CADM1: variants seen among roughly 807,000 people sequenced by gnomAD.
The protein encoded by CADM1 is cell adhesion molecule 1.
In CADM1, 15 loss-of-function variants were observed where a neutral mutation model predicts 53.1. The observed-to-expected ratio is 0.28, with a 90% CI of 0.19 to 0.44. The LOEUF is 0.44. Ranked by LOEUF, CADM1 falls within the 20% of genes least tolerant of loss-of-function variation. The pLI is 1.00. For synonymous variants in CADM1, 281 were observed against 243.0 expected (o/e 1.16, Z -1.45); for missense variants, 434 against 611.3 (o/e 0.71, Z 3.06).
intron 1 of CADM1, among the ~76,000 whole-genome samples, chr11:115,373,186 T>C (rs1946350939): frequency 1.3e-5 from 2 of 152,312 alleles, no homozygotes; most frequent in East Asian, 1.9e-4. Flanking sequence ...AACTGCAGCC[T>C]GGCTTTCACA....
At chr11:115,316,772 C>A (rs1367677277) in intron 1 of CADM1, among the ~76,000 whole-genome samples, 1 of 152,124 alleles carries the variant, frequency 6.6e-6, no homozygotes, top group Non-Finnish European at 1.5e-5. Flanking sequence ...GCATATGAGA[C>A]AGCAAGAGAA....
chr11:115,504,261 C>G lies in CADM1; in HGVS notation c.124+10G>C. The G allele has an allele frequency of 2.5e-6, 4 of 1,571,860 alleles. No individual in the cohort carries two copies. In the African/African-American group the frequency reaches 5.4e-5, roughly 21 times the overall value. On this transcript the variant is annotated intron_variant, in intron 1 of 11. Coordinates refer to ENST00000331581, the MANE Select transcript of CADM1 (RefSeq NM_001301043.2). ...GATTTAGGGGCCAACCGGTCGGTGCCCACACCTACCTGTGGGGATCAGTGC... is the reference window on the plus strand; with the variant it reads ...GATTTAGGGGCCAACCGGTCGGTGCGCACACCTACCTGTGGGGATCAGTGC...
At chr11:115,303,265 AG>A (rs1431486165) in intron 1 of CADM1, among the ~76,000 whole-genome samples, 1 of 152,080 alleles carries the variant, frequency 6.6e-6, no homozygotes, top group African/African-American at 2.4e-5. Flanking sequence ...ATTCAATACC[AG>A]ATTCCAGTAT....
chr11:115,420,739 C>T (rs1449160625), intron 1 of CADM1, among the ~76,000 whole-genome samples: 1 of 152,156 alleles, frequency 6.6e-6, no homozygotes, highest in Non-Finnish European at 1.5e-5. Context: ...AGCTGTAAAT[C>T]TTAATGACCC....
intron 1 of CADM1, among the ~76,000 whole-genome samples, chr11:115,366,628 G>A (rs1946166821): frequency 6.6e-6 from 1 of 152,146 alleles, no homozygotes; most frequent in Non-Finnish European, 1.5e-5. Flanking sequence ...CTAGAGAAAG[G>A]AAGAGAAATA....
chr11:115,483,960 T>C, intron 1 of CADM1, among the ~76,000 whole-genome samples: 1 of 152,170 alleles, frequency 6.6e-6, no homozygotes, highest in African/African-American at 2.4e-5. Context: ...GATGCCAAAC[T>C]AGCCAGCCCA....
chr11:115,412,758 TAAG>T (rs1164324695), intron 1 of CADM1, among the ~76,000 whole-genome samples: 1 of 152,162 alleles, frequency 6.6e-6, no homozygotes, highest in East Asian at 1.9e-4. Context: ...TAATCTATCC[TAAG>T]CCAATTTAAA....
chr11:115,459,784 T>G (rs994791232), intron 1 of CADM1, among the ~76,000 whole-genome samples: 3 of 152,220 alleles, frequency 2.0e-5, no homozygotes, highest in Admixed American at 1.3e-4. Flanking sequence ...GGACCATATG[T>G]GCATATGGTT....
At chr11:115,384,439 A>C (rs1946651065) in intron 1 of CADM1, among the ~76,000 whole-genome samples, 1 of 152,180 alleles carries the variant, frequency 6.6e-6, no homozygotes. Flanking sequence ...TTCCCTCCCT[A>C]AACTCAAGTA....
At chr11:115,256,230 G>A (rs148298175) in intron 1 of CADM1, among the ~76,000 whole-genome samples, 1 of 152,288 alleles carries the variant, frequency 6.6e-6, no homozygotes, top group Non-Finnish European at 1.5e-5. Flanking sequence ...ATTACAACAG[G>A]CCTTTTCACT....
intron 3 of CADM1, among the ~76,000 whole-genome samples, chr11:115,235,801 GCTA>G (rs1267146574): frequency 6.6e-6 from 1 of 152,094 alleles, no homozygotes; most frequent in African/African-American, 2.4e-5. Flanking sequence ...GATAATATTA[GCTA>G]CTATTACCAG....
At position 115,308,194 on chromosome 11, in the gene CADM1, G is replaced by GTATATATATATATATATA. The variant is rs560354243; in HGVS notation, c.125-67792_125-67775dup. On this transcript the variant is annotated intron_variant, in intron 1 of 11. Transcript: ENST00000331581. ...GTGTGTGTATATCACTCATAGGTGT[G>GTATATATATATATATATA]TATATATATATATATATACACACCT... is the stretch of plus-strand genomic sequence containing the variant. 1.6e-4 allele frequency among the ~76,000 whole-genome samples: 20 copies of GTATATATATATATATATA among 123,976 alleles called. 1 individual carries two copies. Among genetic ancestry groups the GTATATATATATATATATA allele is most frequent in the African/African-American group, 4.8e-4 (16 of 33,442 alleles). 81.3% of individuals were successfully genotyped at this position (123,976 alleles called of 152,430 possible). A position where few individuals can be genotyped will look rare whatever the true frequency, so the allele number is the denominator to read the frequency against.
intron 1 of CADM1, among the ~76,000 whole-genome samples, chr11:115,466,287 A>G (rs995012736): frequency 6.6e-6 from 1 of 152,222 alleles, no homozygotes; most frequent in African/African-American, 2.4e-5. Context: ...GCTCACTTCA[A>G]ATCATTTTAA....
chr11:115,430,918 G>A (rs1228219113), intron 1 of CADM1, among the ~76,000 whole-genome samples: 1 of 152,188 alleles, frequency 6.6e-6, no homozygotes, highest in Non-Finnish European at 1.5e-5. Context: ...CGACAGAGAA[G>A]GTAGGAGGCA....
chr11:115,339,980 T>C (rs1945382800), intron 1 of CADM1: 1 of 152,108 alleles, frequency 6.6e-6, no homozygotes. Context: ...ATAAGATCAC[T>C]AAAGTACCTC....
At chr11:115,410,793 A>T (rs1408015381) in intron 1 of CADM1, among the ~76,000 whole-genome samples, 1 of 152,204 alleles carries the variant, frequency 6.6e-6, no homozygotes, top group East Asian at 1.9e-4. Context: ...TGTGCATTCC[A>T]GGGTGTGGCT....
At chr11:115,249,076 G>T (rs930702599) in intron 1 of CADM1, among the ~76,000 whole-genome samples, 1 of 152,116 alleles carries the variant, frequency 6.6e-6, no homozygotes, top group East Asian at 1.9e-4. Context: ...TGTGATGCTC[G>T]TTTATGGCAA....
chr11:115,299,613 G>A (rs779363652), intron 1 of CADM1, among the ~76,000 whole-genome samples: 9 of 152,144 alleles, frequency 5.9e-5, no homozygotes, highest in Non-Finnish European at 1.2e-4. Context: ...AAGTTGCACT[G>A]CTTTATTATT....
intron 1 of CADM1, among the ~76,000 whole-genome samples, chr11:115,482,196 A>C (rs1949272467): frequency 6.6e-6 from 1 of 152,128 alleles, no homozygotes; most frequent in African/African-American, 2.4e-5. Context: ...TCAACTCAAG[A>C]GACCCCCTAG....
Sources: allele counts gnomAD v4.1 joint callset (sites outside exome capture counted in the v4.1 genomes callset), GRCh38; gene constraint gnomAD v4.1.1; transcripts MANE v1.5; gene names NCBI Gene and HGNC (gene_info 2026-07-23, HGNC 2026-07-21).